Variants in DAPK2 observed in about 807,000 individuals in gnomAD.
DAPK2 encodes the protein death associated protein kinase 2, also known as death-associated protein kinase 2.
In DAPK2, 35 loss-of-function variants were observed where a neutral mutation model predicts 44.1. The ratio of observed to expected loss-of-function variants is 0.79; its 90% CI spans 0.61 to 1.05. DAPK2 has a LOEUF of 1.05. DAPK2 is among the 50% of genes least tolerant of loss of function. The pLI is 0.00. For synonymous variants in DAPK2, 174 were observed against 182.6 expected, an observed-to-expected ratio of 0.95 and a Z score of 0.38; for missense variants, 453 against 483.2, an observed-to-expected ratio of 0.94 and a Z score of 0.59.
At chr15:63,920,245 C>T (rs1222218071) in intron 8 of DAPK2, 2 of 152,206 alleles carry the variant, frequency 1.3e-5, no homozygotes, top group Non-Finnish European at 2.9e-5. Context: ...TTTTGGATCA[C>T]ACTGATAGTG....
intron 1 of DAPK2, among the ~76,000 whole-genome samples, chr15:64,001,635 T>C (rs983468728): frequency 6.6e-6 from 1 of 152,146 alleles, no homozygotes; most frequent in Admixed American, 6.5e-5. Context: ...GTACTTCCCC[T>C]CCTTTCCTCT....
chr15:63,964,634 CT>C (rs912445172), intron 3 of DAPK2, among the ~76,000 whole-genome samples: 3 of 151,192 alleles, frequency 2.0e-5, no homozygotes, highest in African/African-American at 4.9e-5. Context: ...ATGCTTCATT[CT>C]TTTTTTTTCT....
intron 10 of DAPK2, chr15:63,909,901 G>C (rs181892326): frequency 1.3e-5 from 2 of 152,214 alleles, no homozygotes; most frequent in African/African-American, 4.8e-5. Context: ...AGCCTGCGAG[G>C]CATGCCCACC....
intron 6 of DAPK2, chr15:63,928,534 T>C (rs1371078441): frequency 6.6e-6 from 1 of 152,230 alleles, no homozygotes; most frequent in African/African-American, 2.4e-5. Context: ...CCACTGTGCA[T>C]GTTCCAGAGT....
At chr15:64,008,001 T>C (rs2079281577) in intron 1 of DAPK2, among the ~76,000 whole-genome samples, 1 of 152,206 alleles carries the variant, frequency 6.6e-6, no homozygotes, top group African/African-American at 2.4e-5. Context: ...GATTAGTGGT[T>C]GCCTAGGGCT....
At chr15:63,998,344 G>C (rs947296238) in intron 1 of DAPK2, among the ~76,000 whole-genome samples, 11 of 152,214 alleles carry the variant, frequency 7.2e-5, no homozygotes, top group African/African-American at 2.7e-4. Context: ...CCTGCCTTGA[G>C]AGGTGGCAGG....
intron 3 of DAPK2, among the ~76,000 whole-genome samples, chr15:63,962,492 T>G (rs1235602911): frequency 6.6e-6 from 1 of 152,212 alleles, no homozygotes; most frequent in Non-Finnish European, 1.5e-5. Context: ...TTATGTACCT[T>G]TGGTCTTTGA....
chr15:63,924,862 C>T lies in DAPK2; in HGVS notation c.813-1G>A. On this transcript the variant is annotated splice_acceptor_variant, in intron 7 of 10. Transcript: ENST00000261891. LOFTEE classifies it high-confidence loss of function. Reference sequence around the variant, plus strand: ...AGCCTCTTGGATTGTGAGCCGTTTCCTGCAATGAGGATTGGGAAACAGTGA... The same window carrying T: ...AGCCTCTTGGATTGTGAGCCGTTTCTTGCAATGAGGATTGGGAAACAGTGA... 6.2e-7 allele frequency: 1 copy of T among 1,614,170 alleles called. No individual in the cohort carries two copies. Among genetic ancestry groups the T allele is most frequent in the Non-Finnish European group, 8.5e-7 (1 of 1,179,988 alleles).
At chr15:64,045,692 C>T (rs1194096573) in intron 1 of DAPK2, among the ~76,000 whole-genome samples, 1 of 152,238 alleles carries the variant, frequency 6.6e-6, no homozygotes, top group Non-Finnish European at 1.5e-5. Context: ...AGCCTTGGGA[C>T]CTCCAAAATG....
intron 3 of DAPK2, among the ~76,000 whole-genome samples, chr15:63,955,564 T>C (rs749010115): frequency 6.6e-6 from 1 of 150,640 alleles, no homozygotes; most frequent in Non-Finnish European, 1.5e-5. Context: ...ATTAGTTCTT[T>C]GTTGTTGTTG....
In DAPK2 at chr15:63,923,325, C is replaced by T; in HGVS notation, c.858+1491G>A. 7.2e-6 allele frequency: 11 copies of T among 1,535,486 alleles called. No homozygotes were observed. Among genetic ancestry groups the T allele is most frequent in the Non-Finnish European group, 9.6e-6 (11 of 1,146,368 alleles). ...GGCTCTGTCTTCCGCTGTTCAGGGG[C>T]TCTGCCTTCTCCTTTTGACTGGTGG... is the stretch of plus-strand genomic sequence containing the variant. On this transcript the variant is annotated intron_variant, in intron 8 of 10. Coordinates refer to ENST00000261891, the Ensembl canonical transcript of DAPK2. The surrounding 1 kb of genome is among the most constrained non-coding windows in gnomAD (Gnocchi z 4.2).
At chr15:64,001,041 A>G (rs569122632) in intron 1 of DAPK2, among the ~76,000 whole-genome samples, 40 of 151,896 alleles carry the variant, frequency 2.6e-4, no homozygotes, top group African/African-American at 8.9e-4. Flanking sequence ...CACCACGCCC[A>G]GCTAATTTTT....
Position 63,916,308 on chromosome 15 carries a change from A to G in DAPK2, c.859-4111T>C, listed in dbSNP as rs1034114914. ...CTTTACTGAAGAGGCGACTCCCCCAACTCCACCCCCCACACAACGATTTTC... is the reference window on the plus strand; with the variant it reads ...CTTTACTGAAGAGGCGACTCCCCCAGCTCCACCCCCCACACAACGATTTTC... On this transcript the variant is annotated intron_variant, in intron 8 of 10. Transcript: ENST00000261891. The surrounding 1 kb of genome is among the most constrained non-coding windows in gnomAD (Gnocchi z 4.7). 1 of 151,312 alleles carries G rather than the reference A, an allele frequency of 6.6e-6. No homozygotes were observed. The highest frequency in any genetic ancestry group is 1.5e-5 in the Non-Finnish European group (1 of 68,040). The allele number at this position is 151,312 out of a possible 1,614,324, so 9.4% of individuals were successfully genotyped here. A position where few individuals can be genotyped will look rare whatever the true frequency, so the allele number is the denominator to read the frequency against.
chr15:64,020,382 C>T lies in DAPK2; in HGVS notation c.92+19788G>A, dbSNP rs1222440155. 6.6e-6 allele frequency among the ~76,000 whole-genome samples: 1 copy of T among 152,200 alleles called. No homozygotes were observed. The highest frequency in any genetic ancestry group is 2.4e-5 in the African/African-American group (1 of 41,454). ...ATCAGGACTGGAAACTGGGCACTTG[C>T]TCTGAAATGGTCAATTTCACAGGGG... is the stretch of plus-strand genomic sequence containing the variant. On this transcript the variant is annotated intron_variant, in intron 1 of 10. Coordinates refer to ENST00000261891, the Ensembl canonical transcript of DAPK2. The surrounding 1 kb of genome is among the most constrained non-coding windows in gnomAD (Gnocchi z 4.5).
chr15:63,989,543 G>T (rs2078760373), intron 1 of DAPK2, among the ~76,000 whole-genome samples: 1 of 152,132 alleles, frequency 6.6e-6, no homozygotes, highest in African/African-American at 2.4e-5. Flanking sequence ...GAGGAGAGGG[G>T]CCCATCCCAG....
Position 63,980,774 on chromosome 15 carries a change from G to A in DAPK2, c.314+2759C>T, listed in dbSNP as rs1208027137. On this transcript the variant is annotated intron_variant, in intron 2 of 10. Transcript: ENST00000261891. The surrounding 1 kb of genome is among the most constrained non-coding windows in gnomAD (Gnocchi z 4.3). ...TTGAAATTTAATTCCCAATGCGGCC[G>A]TATTAGGCAGTGGGACCTTTAAGAC... Among the ~76,000 whole-genome samples the A allele has an allele frequency of 3.5e-5, 5 of 144,408 alleles. No individual in the cohort carries two copies. Among genetic ancestry groups the A allele is most frequent in the Admixed American group, 7.4e-5 (1 of 13,600 alleles). 94.7% of individuals were successfully genotyped at this position (144,408 alleles called of 152,430 possible). A position where few individuals can be genotyped will look rare whatever the true frequency, so the allele number is the denominator to read the frequency against.
intron 2 of DAPK2, among the ~76,000 whole-genome samples, chr15:63,977,612 G>T (rs185215718): frequency 2.6e-4 from 39 of 152,288 alleles, no homozygotes; most frequent in African/African-American, 8.7e-4. Context: ...CATAAACACC[G>T]TACATGGTGT....
rs151211445 is a variant in DAPK2, at chr15:64,026,158, G to A, written c.92+14012C>T. Among the ~76,000 whole-genome samples the A allele has an allele frequency of 3.1e-3, 478 of 152,290 alleles. 2 individuals carry two copies. The highest frequency in any genetic ancestry group is 8.9e-3 in the South Asian group (43 of 4,820). On this transcript the variant is annotated intron_variant, in intron 1 of 10. Transcript: ENST00000261891. ...TCTGTGGAAGGCCCTGGAAGCTGCC[G>A]GGGTCTCACATGACCTCCCACCTGC...
At chr15:64,030,391 C>T (rs189046657) in intron 1 of DAPK2, among the ~76,000 whole-genome samples, 5 of 152,230 alleles carry the variant, frequency 3.3e-5, no homozygotes, top group Non-Finnish European at 7.4e-5. Context: ...GCTGCTGGCT[C>T]CCCTCACCTG....
Sources: allele counts gnomAD v4.1 joint callset (sites outside exome capture counted in the v4.1 genomes callset), GRCh38; gene constraint gnomAD v4.1.1; non-coding constraint Gnocchi (gnomAD v3.1); transcripts MANE v1.5; gene names NCBI Gene and HGNC (gene_info 2026-07-23, HGNC 2026-07-21).